GDPD5: variants seen among roughly 807,000 people sequenced by gnomAD.
GDPD5 encodes glycerophosphodiester phosphodiesterase 2.
GDPD5 carries 48 observed loss-of-function variants against 75.1 expected under a neutral mutation model. That is an observed-to-expected ratio of 0.64 (90% CI 0.51 to 0.81). The LOEUF is 0.81. Among genes scored for constraint, GDPD5 ranks in the 40% least tolerant of loss-of-function variants. The pLI is 0.00. For synonymous variants in GDPD5, 336 were observed against 339.0 expected, an observed-to-expected ratio of 0.99 and a Z score of 0.10; for missense variants, 706 against 822.6, an observed-to-expected ratio of 0.86 and a Z score of 1.73.
chr11:75,440,858 A>G (rs1180574970), intron 14 of GDPD5, among the ~76,000 whole-genome samples: 2 of 152,156 alleles, frequency 1.3e-5, no homozygotes, highest in East Asian at 1.9e-4. Flanking sequence ...CGCCCGGTCA[A>G]TGCTTCCTAT....
At chr11:75,482,052 C>A (rs1949930062) in intron 2 of GDPD5, among the ~76,000 whole-genome samples, 3 of 152,098 alleles carry the variant, frequency 2.0e-5, no homozygotes, top group Non-Finnish European at 4.4e-5. Context: ...GGTTCCCCTG[C>A]CTTCACACTC....
chr11:75,442,849 A>G (rs1011333998), intron 11 of GDPD5: 15 of 602,102 alleles, frequency 2.5e-5, no homozygotes, highest in African/African-American at 2.4e-4. Flanking sequence ...ATTTCAGATC[A>G]GAGAGCCAAC....
At chr11:75,520,467 G>A (rs547982186) in intron 1 of GDPD5, among the ~76,000 whole-genome samples, 286 of 152,288 alleles carry the variant, frequency 1.9e-3, no homozygotes, top group Admixed American at 3.8e-3. Context: ...CACACTGCTA[G>A]GCACTCAGAG....
chr11:75,450,271 A>ACTG (rs1949106111), intron 6 of GDPD5: 1 of 526,386 alleles, frequency 1.9e-6, no homozygotes. Flanking sequence ...GGAGGAGGGA[A>ACTG]CTGTGAGGAG....
intron 16 of GDPD5, 119 bp from the exon 17 acceptor site, chr11:75,435,774 C>CT: frequency 9.8e-7 from 1 of 1,016,300 alleles, no homozygotes; most frequent in Non-Finnish European, 1.4e-6. Flanking sequence ...GATGAAACCA[C>CT]TGGGCTCAGG....
At chr11:75,459,550 C>G (rs184346235) in intron 4 of GDPD5, among the ~76,000 whole-genome samples, 68 of 152,106 alleles carry the variant, frequency 4.5e-4, no homozygotes, top group Admixed American at 9.2e-4. Flanking sequence ...CGGCTGGGCG[C>G]GGTGGCTCAC....
intron 3 of GDPD5, among the ~76,000 whole-genome samples, chr11:75,471,264 C>T (rs539157337): frequency 2.2e-4 from 34 of 152,222 alleles, no homozygotes; most frequent in African/African-American, 6.7e-4. Context: ...GGCCCTGATC[C>T]GGGAGATTTG....
At chr11:75,518,859 G>A (rs1469460509) in intron 1 of GDPD5, among the ~76,000 whole-genome samples, 2 of 152,130 alleles carry the variant, frequency 1.3e-5, no homozygotes, top group Non-Finnish European at 2.9e-5. Context: ...GTGAGAGAGT[G>A]AGACATTCTT....
chr11:75,488,408 C>T (rs1258170722), intron 2 of GDPD5, among the ~76,000 whole-genome samples: 3 of 152,120 alleles, frequency 2.0e-5, no homozygotes, highest in Non-Finnish European at 2.9e-5. Flanking sequence ...TCTGATGGCT[C>T]TTCCTAAGTC....
At position 75,440,940 on chromosome 11, in the gene GDPD5, C is replaced by CT. The variant is rs149808297; in HGVS notation, c.1473+222dup. 5.1e-3 allele frequency among the ~76,000 whole-genome samples: 771 copies of CT among 152,320 alleles called. 3 individuals carry two copies. Among genetic ancestry groups the CT allele is most frequent in the Middle Eastern group, 0.02 (6 of 294 alleles). Reference sequence around the variant, plus strand: ...TACTTCTTTAGAGCCCTTAGTGATGCTTTTCTCCCTGTGGATGAGGCCCAG... The same window carrying CT: ...TACTTCTTTAGAGCCCTTAGTGATGCTTTTTCTCCCTGTGGATGAGGCCCAG... On this transcript the variant is annotated intron_variant, in intron 14 of 16. Coordinates refer to ENST00000336898, the MANE Select transcript of GDPD5 (RefSeq NM_030792.8).
intron 1 of GDPD5, chr11:75,490,789 G>A (rs1204667441): frequency 6.6e-6 from 1 of 152,220 alleles, no homozygotes; most frequent in African/African-American, 2.4e-5. Context: ...TGGGATCTGG[G>A]GCACCACAAT....
intron 1 of GDPD5, among the ~76,000 whole-genome samples, chr11:75,491,402 T>G (rs749060970): frequency 1.3e-5 from 2 of 150,934 alleles, no homozygotes; most frequent in Non-Finnish European, 2.9e-5. Context: ...CCTCTAAACT[T>G]TAATGTTTGA....
chr11:75,450,197 CAGG>C, intron 6 of GDPD5, among the ~76,000 whole-genome samples: 1 of 152,026 alleles, frequency 6.6e-6, no homozygotes, highest in East Asian at 1.9e-4. Context: ...GAGGAGGCAG[CAGG>C]AGGCCGGCAG....
At chr11:75,493,508 C>T (rs1191699842) in intron 1 of GDPD5, among the ~76,000 whole-genome samples, 1 of 151,740 alleles carries the variant, frequency 6.6e-6, no homozygotes, top group Non-Finnish European at 1.5e-5. Context: ...CTCAAGCAAC[C>T]CTCCCACCTC....
rs1251606580 is a variant in GDPD5, at chr11:75,442,467, G to T, written c.1063C>A (p.Leu355Met). 1 of 1,613,944 alleles carries T rather than the reference G, an allele frequency of 6.2e-7. No individual in the cohort carries two copies. The highest frequency in any genetic ancestry group is 1.7e-5 in the Admixed American group (1 of 60,008). The change falls in exon 12 of 17, where the codon CTG (leucine) becomes ATG (methionine). Residue 355 changes from leucine to methionine, a missense_variant. Transcript: ENST00000336898. ...LLELAKGNAT[L>M]LLNLRDPPRE... ...GGCGGGTCACGCAGGTTGAGCAGCAGTGTGGCATTGCCCTTGGCCAGCTCC... is the reference window on the plus strand; with the variant it reads ...GGCGGGTCACGCAGGTTGAGCAGCATTGTGGCATTGCCCTTGGCCAGCTCC...
In GDPD5 at chr11:75,443,243, G is replaced by T; in HGVS notation, c.841C>A (p.Arg281Ser). 6.2e-7 allele frequency: 1 copy of T among 1,609,756 alleles called. No individual in the cohort carries two copies. The change falls in exon 11 of 17, where the codon CGC becomes AGC. Residue 281 changes from arginine to serine, a missense_variant. By Grantham distance (110) the Arg-to-Ser change is moderately radical. Coordinates refer to ENST00000336898, the MANE Select transcript of GDPD5 (RefSeq NM_030792.8). ...PFLMHDTTLR[R>S]TTNVEEEFPE... ...AACTCCTCCTCCACGTTGGTGGTGC[G>T]CCGCAGGGTGGTGTCATGCATGAGG...
intron 1 of GDPD5, chr11:75,517,479 CAAA>C (rs1452609697): frequency 2.0e-5 from 3 of 151,848 alleles, no homozygotes; most frequent in Non-Finnish European, 4.4e-5. Flanking sequence ...AAACCAAAAC[CAAA>C]AACAAAAAAA....
At chr11:75,470,581 G>A (rs1949639354) in intron 3 of GDPD5, among the ~76,000 whole-genome samples, 1 of 152,208 alleles carries the variant, frequency 6.6e-6, no homozygotes, top group Non-Finnish European at 1.5e-5. Context: ...TGTGCGGAGA[G>A]AGGTTTAAAA....
intron 1 of GDPD5, among the ~76,000 whole-genome samples, chr11:75,499,890 A>G (rs932581621): frequency 1.3e-5 from 2 of 152,174 alleles, no homozygotes; most frequent in African/African-American, 4.8e-5. Flanking sequence ...CCTGAGCTTC[A>G]ACTCCTGACC....
Sources: allele counts gnomAD v4.1 joint callset (sites outside exome capture counted in the v4.1 genomes callset), GRCh38; gene constraint gnomAD v4.1.1; transcripts MANE v1.5; gene names NCBI Gene and HGNC (gene_info 2026-07-23, HGNC 2026-07-21).